The following XIRP2 variants were observed in gnomAD, a reference collection of about 807,000 sequenced individuals.
The protein encoded by XIRP2 is xin actin-binding repeat-containing protein 2.
XIRP2 carries 236 observed loss-of-function variants against 277.0 expected under a neutral mutation model. The observed-to-expected ratio is 0.85, with a 90% confidence interval of 0.77 to 0.95. XIRP2 has a LOEUF of 0.95. XIRP2 is among the 40% of genes least tolerant of loss of function. XIRP2 has a pLI of 0.00. For missense variants in XIRP2, 4,640 were observed against 4,157.5 expected (o/e 1.12, Z -3.19); for synonymous variants, 1,490 against 1,416.5 (o/e 1.05, Z -1.17).
At chr2:166,906,160 G>C (rs969197334) in intron 2 of XIRP2, among the ~76,000 whole-genome samples, 2 of 151,856 alleles carry the variant, frequency 1.3e-5, no homozygotes, top group Admixed American at 6.6e-5. Flanking sequence ...TTCAAATAAG[G>C]AAAATCTTTT....
intron 3 of XIRP2, among the ~76,000 whole-genome samples, chr2:167,142,770 A>G (rs1234392496): frequency 6.6e-6 from 1 of 152,116 alleles, no homozygotes; most frequent in Admixed American, 6.6e-5. Flanking sequence ...ACAAGTGCAG[A>G]CGGTGCTATG....
At chr2:167,189,425 C>T (rs1025556581) in intron 3 of XIRP2, among the ~76,000 whole-genome samples, 26 of 152,176 alleles carry the variant, frequency 1.7e-4, no homozygotes, top group Admixed American at 6.5e-5. Flanking sequence ...TTTGATTGAA[C>T]GATCTGTGAA....
At chr2:167,237,653 G>T (rs551417880) in intron 5 of XIRP2, among the ~76,000 whole-genome samples, 5 of 152,248 alleles carry the variant, frequency 3.3e-5, no homozygotes, top group African/African-American at 9.6e-5. Flanking sequence ...GCCAAATAAA[G>T]CACATCCCCA....
intron 2 of XIRP2, among the ~76,000 whole-genome samples, chr2:167,087,650 C>T (rs1239845747): frequency 1.3e-5 from 2 of 152,324 alleles, no homozygotes; most frequent in Admixed American, 6.5e-5. Context: ...CGTGGTGTGC[C>T]GTTTTTTAAG....
At chr2:167,012,100 T>C (rs562896985) in intron 2 of XIRP2, among the ~76,000 whole-genome samples, 2 of 152,062 alleles carry the variant, frequency 1.3e-5, no homozygotes, top group Non-Finnish European at 2.9e-5. Context: ...TGCCTTCTGC[T>C]AGTTTTTGAA....
At chr2:167,162,546 T>A (rs2105341910) in intron 3 of XIRP2, among the ~76,000 whole-genome samples, 2 of 152,254 alleles carry the variant, frequency 1.3e-5, no homozygotes, top group East Asian at 3.9e-4. Context: ...GAGAACAGCA[T>A]GGGAAAGGCC....
rs746007278 is a variant in XIRP2, at chr2:167,251,350, C to G, written c.9958C>G (p.Gln3320Glu). 6.2e-7 allele frequency: 1 copy of G among 1,613,512 alleles called. No individual in the cohort carries two copies. Residue 3320 changes from glutamine (Q) to glutamate (E), a missense_variant, in exon 9 of 11, where the codon CAA becomes GAA. Gln to Glu is a conservative substitution (Grantham distance 29, BLOSUM62 2). Transcript: ENST00000409195. ...ATATGAAGCGGCCAACCGAACTGTT[C>G]AAATGGCTGAAAATTTCGTGAATGA... ...QRYEAANRTV[Q>E]MAENFVNDPE...
intron 2 of XIRP2, among the ~76,000 whole-genome samples, chr2:167,046,466 C>T (rs1376178915): frequency 7.6e-6 from 1 of 130,776 alleles, no homozygotes; most frequent in African/African-American, 3.5e-5. Flanking sequence ...TACAGAGACA[C>T]ATGTATGCAT....
At chr2:167,203,170 A>G (rs1573955931) in intron 3 of XIRP2, among the ~76,000 whole-genome samples, 1 of 152,192 alleles carries the variant, frequency 6.6e-6, no homozygotes, top group East Asian at 1.9e-4. Context: ...TCGCATATTC[A>G]TAGGTCCTGG....
intron 2 of XIRP2, among the ~76,000 whole-genome samples, chr2:166,954,180 A>C (rs767261984): frequency 3.9e-5 from 6 of 151,930 alleles, no homozygotes; most frequent in African/African-American, 7.2e-5. Context: ...ATCTATGGAA[A>C]ATTTATGAAT....
intron 2 of XIRP2, among the ~76,000 whole-genome samples, chr2:167,117,877 T>C (rs1170138893): frequency 6.6e-6 from 1 of 152,214 alleles, no homozygotes; most frequent in Non-Finnish European, 1.5e-5. Context: ...TTATTAAGTT[T>C]TGCAATAAAT....
At chr2:167,044,122 T>A (rs1230450530) in intron 2 of XIRP2, among the ~76,000 whole-genome samples, 1 of 152,030 alleles carries the variant, frequency 6.6e-6, no homozygotes, top group Non-Finnish European at 1.5e-5. Flanking sequence ...TGATTCAACA[T>A]ACAAAATCTA....
chr2:167,133,133 T>C lies in XIRP2; in HGVS notation c.409-2776T>C, dbSNP rs370545950. ...GCCAAGGGAGGGCTTGAATCCAACTTTCTTATTGTGAAATGCTGCATTTGT... is the reference window on the plus strand; with the variant it reads ...GCCAAGGGAGGGCTTGAATCCAACTCTCTTATTGTGAAATGCTGCATTTGT... On this transcript the variant is annotated intron_variant, in intron 2 of 10. Coordinates refer to ENST00000409195, the MANE Select transcript of XIRP2 (RefSeq NM_152381.6). Among the ~76,000 whole-genome samples the C allele has an allele frequency of 4.6e-5, 7 of 152,280 alleles. No homozygotes were observed. In the East Asian group the frequency reaches 9.7e-4, roughly 21 times the overall value.
chr2:167,040,018 C>T (rs1480692527), intron 2 of XIRP2, among the ~76,000 whole-genome samples: 5 of 151,870 alleles, frequency 3.3e-5, no homozygotes, highest in East Asian at 3.9e-4. Context: ...ATACAAAATA[C>T]GGTTTGTTCT....
chr2:166,907,134 A>C (rs1684545258), intron 2 of XIRP2, among the ~76,000 whole-genome samples: 2 of 152,182 alleles, frequency 1.3e-5, no homozygotes, highest in African/African-American at 4.8e-5. Context: ...ACCATGTTAA[A>C]ACAACTTAGA....
At chr2:166,931,834 C>G (rs1558920156) in intron 2 of XIRP2, among the ~76,000 whole-genome samples, 2 of 152,166 alleles carry the variant, frequency 1.3e-5, no homozygotes, top group South Asian at 4.1e-4. Flanking sequence ...TTAGCTTTAA[C>G]TGATTAATAC....
chr2:167,065,727 C>T (rs968611762), intron 2 of XIRP2, among the ~76,000 whole-genome samples: 4 of 151,844 alleles, frequency 2.6e-5, no homozygotes, highest in Non-Finnish European at 4.4e-5. Context: ...CAGCTCTTTT[C>T]TTCTGCCTAA....
chr2:166,928,259 G>A (rs1685241565), intron 2 of XIRP2, among the ~76,000 whole-genome samples: 1 of 152,070 alleles, frequency 6.6e-6, no homozygotes, highest in African/African-American at 2.4e-5. Flanking sequence ...GTGGAGAGAA[G>A]GTGGCATAAA....
At chr2:167,080,977 T>C (rs1410326743) in intron 2 of XIRP2, among the ~76,000 whole-genome samples, 1 of 152,172 alleles carries the variant, frequency 6.6e-6, no homozygotes, top group Non-Finnish European at 1.5e-5. Context: ...CAATGTTCCA[T>C]ATAATTATTA....
Sources: gnomAD v4.1 joint callset for allele counts (sites outside exome capture counted in the v4.1 genomes callset) on GRCh38, gnomAD v4.1.1 for gene constraint, MANE v1.5 for transcripts, NCBI Gene and HGNC (gene_info 2026-07-23, HGNC 2026-07-21) for gene names.